Variants in SNRNP70 observed in about 807,000 individuals in gnomAD.
SNRNP70 encodes the protein small nuclear ribonucleoprotein U1 subunit 70.
Under a neutral mutation model 50.5 loss-of-function variants are expected in SNRNP70, and 8 were observed. The observed-to-expected ratio is 0.16, with a 90% CI of 0.09 to 0.29. The LOEUF (loss-of-function observed/expected upper bound fraction) is 0.29, where lower values mean the gene tolerates loss of function less well. SNRNP70 is among the 10% of genes least tolerant of loss of function. The pLI is 1.00. For synonymous variants in SNRNP70, 320 were observed against 252.9 expected (o/e 1.27, Z -2.52); for missense variants, 529 against 663.5 (o/e 0.80, Z 2.23).
chr19:49,093,863 C>CA (rs1362071610), intron 4 of SNRNP70, among the ~76,000 whole-genome samples: 1 of 149,658 alleles, frequency 6.7e-6, no homozygotes, highest in Non-Finnish European at 1.5e-5. Flanking sequence ...AAAACAAAAA[C>CA]AAAACAAAAC....
Position 49,104,746 on chromosome 19 carries a change from C to A in SNRNP70, c.577+11C>A. The A allele has an allele frequency of 6.5e-7, 1 of 1,528,242 alleles. No individual in the cohort carries two copies. The highest frequency in any genetic ancestry group is 8.8e-7 in the Non-Finnish European group (1 of 1,133,604). 94.7% of individuals were successfully genotyped at this position (1,528,242 alleles called of 1,614,324 possible). On this transcript the variant is annotated intron_variant, in intron 8 of 9. Coordinates refer to ENST00000598441, the MANE Select transcript of SNRNP70 (RefSeq NM_003089.6). The surrounding 1 kb of genome is among the most constrained non-coding windows in gnomAD (Gnocchi z 5.4). Reference sequence around the variant, plus strand: ...GGCCCCGGCGGCTAGGTGAGCACATCCTGCCTTCGACGGGCTCTCGGGGGC... The same window carrying A: ...GGCCCCGGCGGCTAGGTGAGCACATACTGCCTTCGACGGGCTCTCGGGGGC...
chr19:49,089,787 C>T (rs900462719), intron 2 of SNRNP70, among the ~76,000 whole-genome samples: 2 of 150,920 alleles, frequency 1.3e-5, no homozygotes, highest in Non-Finnish European at 3.0e-5. Flanking sequence ...CTCAGCCTCC[C>T]GAGTAGCTGG....
At chr19:49,098,304 T>C in intron 4 of SNRNP70, 123 bp from the exon 5 acceptor site, 1 of 771,706 alleles carries the variant, frequency 1.3e-6, no homozygotes, top group South Asian at 1.7e-5. Flanking sequence ...CCACCCATGT[T>C]CCTCCAGTTA....
At chr19:49,092,098 T>G (rs1482373781) in intron 4 of SNRNP70, among the ~76,000 whole-genome samples, 2 of 151,738 alleles carry the variant, frequency 1.3e-5, no homozygotes, top group African/African-American at 2.4e-5. Context: ...ACCTATGTCT[T>G]TTTGTTTGTT....
chr19:49,099,738 TA>T (rs71179087), intron 6 of SNRNP70, among the ~76,000 whole-genome samples: 125 of 138,642 alleles, frequency 9.0e-4, no homozygotes, highest in African/African-American at 7.0e-4. Flanking sequence ...GACTCCATCT[TA>T]AAAAAAAAAA....
chr19:49,103,760 GGCTTGCCTTCT>G (rs2040623681), intron 7 of SNRNP70: 2 of 152,498 alleles, frequency 1.3e-5, no homozygotes, highest in African/African-American at 4.8e-5. Context: ...CAGGGCCTCA[GGCTTGCCTTCT>G]GCTACGCGCT....
chr19:49,096,197 A>G (rs976848763), intron 4 of SNRNP70, among the ~76,000 whole-genome samples: 1 of 151,852 alleles, frequency 6.6e-6, no homozygotes, highest in African/African-American at 2.4e-5. Context: ...AGCTGGGACT[A>G]TAGGCGCACA....
At chr19:49,087,436 A>G (rs2040396469) in intron 2 of SNRNP70, among the ~76,000 whole-genome samples, 1 of 152,162 alleles carries the variant, frequency 6.6e-6, no homozygotes, top group Admixed American at 6.6e-5. Flanking sequence ...CAGTCAGCAC[A>G]TGTCAGCCTT....
rs185925791 is a variant in SNRNP70 at position 49,096,100 on chromosome 19, G to A, written c.266-2327G>A. ...TTGTTTTTTTTTTCGCTTTATTGCCGAGGCTGGAGTTCAGTGGTATGATCT... is the reference window on the plus strand; with the variant it reads ...TTGTTTTTTTTTTCGCTTTATTGCCAAGGCTGGAGTTCAGTGGTATGATCT... On this transcript the variant is annotated intron_variant, in intron 4 of 9. Transcript: ENST00000598441. Among the ~76,000 whole-genome samples the A allele has an allele frequency of 1.1e-4, 17 of 150,356 alleles. No individual in the cohort carries two copies. In the East Asian group the frequency reaches 3.3e-3, roughly 30 times the overall value.
chr19:49,097,525 C>T (rs182758589), intron 4 of SNRNP70, among the ~76,000 whole-genome samples: 94 of 152,324 alleles, frequency 6.2e-4, no homozygotes, highest in Middle Eastern at 3.4e-3. Context: ...ATTGCAACCT[C>T]TGGCATAAAT....
intron 6 of SNRNP70, among the ~76,000 whole-genome samples, chr19:49,100,436 G>A (rs1204858062): frequency 6.6e-6 from 1 of 152,176 alleles, no homozygotes; most frequent in Non-Finnish European, 1.5e-5. Context: ...TCCTCGGGAT[G>A]GGACGCATCC....
intron 4 of SNRNP70, among the ~76,000 whole-genome samples, chr19:49,094,088 T>G (rs1427222160): frequency 1.3e-5 from 2 of 152,200 alleles, no homozygotes; most frequent in African/African-American, 4.8e-5. Flanking sequence ...ATTTGAACAC[T>G]GGATCATAGA....
intron 4 of SNRNP70, 185 bp downstream of exon 4, chr19:49,090,705 A>G: frequency 1.6e-6 from 1 of 624,928 alleles, no homozygotes; most frequent in Non-Finnish European, 2.9e-6. Flanking sequence ...CAGCAGCAGA[A>G]CATAGGGTAA....
chr19:49,100,632 C>A lies in SNRNP70; in HGVS notation c.394-758C>A, dbSNP rs943276556. Among the ~76,000 whole-genome samples the A allele has an allele frequency of 4.6e-5, 7 of 152,030 alleles. 1 individual carries two copies. Among genetic ancestry groups the A allele is most frequent in the Admixed American group, 2.6e-4 (4 of 15,244 alleles). On this transcript the variant is annotated intron_variant, in intron 6 of 9. Coordinates refer to ENST00000598441, the MANE Select transcript of SNRNP70 (RefSeq NM_003089.6). ...CCAGCCTGGCCAACATGGTGAAACC[C>A]CATCTCTACTAAAGATACAAAAAAT...
At position 49,107,156 on chromosome 19, in the gene SNRNP70, C is replaced by T. The variant is rs3795056; in HGVS notation, c.578-469C>T. ...CTGGGAAAGGCCTGGGACACGCAGC[C>T]AAGAGCCGCGGCTCAGACGCTAGCA... On this transcript the variant is annotated intron_variant, in intron 8 of 9. Transcript: ENST00000598441. This position sits in a 1 kb window ranked among gnomAD's most constrained non-coding sequence, Gnocchi z 6.0. Among the ~76,000 whole-genome samples the T allele has an allele frequency of 0.16, 24,545 of 152,152 alleles. 2,467 individuals are homozygous for T. The highest frequency in any genetic ancestry group is 0.23 in the East Asian group (1,200 of 5,150).
Position 49,085,491 on chromosome 19 carries a change from T to G in SNRNP70, c.-156T>G, listed in dbSNP as rs751437690. ...CCGCGCGGGTGGCTGAGCAGCGGCC[T>G]GGTGCGCTCGCTTAGCGGGCGACGG... On this transcript the variant is annotated 5_prime_UTR_variant, in exon 1 of 10. Transcript: ENST00000598441. 16 of 453,106 alleles carry G rather than the reference T, an allele frequency of 3.5e-5. No homozygotes were observed. The highest frequency in any genetic ancestry group is 7.1e-5 in the Non-Finnish European group (16 of 224,884). The allele number at this position is 453,106 out of a possible 1,614,324, so 28.1% of individuals were successfully genotyped here. A position where few individuals can be genotyped will look rare whatever the true frequency, so the allele number is the denominator to read the frequency against.
chr19:49,099,365 A>G (rs1310415910), intron 6 of SNRNP70, among the ~76,000 whole-genome samples: 2 of 152,142 alleles, frequency 1.3e-5, no homozygotes, highest in Non-Finnish European at 2.9e-5. Flanking sequence ...GCGGGAGGAT[A>G]GCTTAAACCC....
Position 49,108,075 on chromosome 19 carries a change from A to G in SNRNP70, c.946A>G (p.Met316Val), listed in dbSNP as rs2040701008. The G allele has an allele frequency of 1.9e-6, 3 of 1,554,332 alleles. No individual in the cohort carries two copies. The highest frequency in any genetic ancestry group is 8.7e-7 in the Non-Finnish European group (1 of 1,150,234). ...KEELRGGGGD[M>V]AEPSEAGDAP... ...GGAGCTGCGTGGCGGCGGTGGCGAC[A>G]TGGCGGAGCCCTCCGAGGCGGGTGA... The change falls in exon 10 of 10, where the codon ATG (methionine) becomes GTG (valine). Residue 316 changes from methionine (M) to valine (V), a missense_variant. Met to Val is a conservative substitution (Grantham distance 21). Around this residue, in one of 4 missense-constraint regions of SNRNP70, gnomAD observed 327 missense variants for 308.8 expected, o/e 1.06. Transcript: ENST00000598441.
In SNRNP70 at chr19:49,086,459, C is replaced by T. The variant is rs966078789; in HGVS notation, c.45C>T (p.Pro15=). ...CCAACCTTCTGGCCCTCTTTGCCCC[C>T]CGTGACCCTATTCCATACCTGCCAC... The part of the protein sequence containing the change: ...LPPNLLALFA[P]RDPIPYLPPL... The change falls in exon 2 of 10, where the codon CCC becomes CCT. Residue 15 remains proline (P), a synonymous_variant. Coordinates refer to ENST00000598441, the MANE Select transcript of SNRNP70 (RefSeq NM_003089.6). The T allele has an allele frequency of 6.2e-7, 1 of 1,614,110 alleles. No individual in the cohort carries two copies. Among genetic ancestry groups the T allele is most frequent in the Non-Finnish European group, 8.5e-7 (1 of 1,180,024 alleles).
Sources: gnomAD v4.1 joint callset for allele counts (sites outside exome capture counted in the v4.1 genomes callset) on GRCh38, gnomAD v4.1.1 for gene constraint, gnomAD v4.1.1 regional missense constraint, Gnocchi (gnomAD v3.1) non-coding constraint, MANE v1.5 for transcripts, NCBI Gene and HGNC (gene_info 2026-07-23, HGNC 2026-07-21) for gene names.